The following CENPO variants were observed in gnomAD, a reference collection of about 807,000 sequenced individuals.
CENPO encodes the protein centromeric protein O.
CENPO carries 30 observed loss-of-function variants against 36.1 expected under a neutral mutation model. The observed-to-expected ratio is 0.83, with a 90% CI of 0.62 to 1.13. The LOEUF is 1.13. CENPO is among the 50% of genes most tolerant of loss of function. The probability of loss-of-function intolerance (pLI) is 0.00; values close to 1 mark genes in which losing one functional copy is unlikely to be tolerated. For missense variants in CENPO, 349 were observed against 357.8 expected (o/e 0.98, Z 0.20); for synonymous variants, 171 against 142.3 (o/e 1.20, Z -1.44).
rs889510507 is a variant in CENPO, at chr2:24,812,099, C to T, written c.217-2277C>T. 2.0e-5 allele frequency among the ~76,000 whole-genome samples: 3 copies of T among 152,186 alleles called. 1 individual carries two copies. Among genetic ancestry groups the T allele is most frequent in the South Asian group, 4.1e-4 (2 of 4,820 alleles). On this transcript the variant is annotated intron_variant, in intron 3 of 7. Coordinates refer to ENST00000380834, the MANE Select transcript of CENPO (RefSeq NM_001322101.2). ...CTCCTTTTGGTACTTCTTTTGGTAT[C>T]GCTGGCAGTAAAATCTCCATATTTG...
rs1054577460 is a variant in CENPO, at chr2:24,820,199, G to A, written c.*881G>A. On this transcript the variant is annotated 3_prime_UTR_variant, in exon 8 of 8. Transcript: ENST00000380834. The stretch of plus-strand genomic sequence containing the variant: ...GTGGGGGCTTTGGGTGGTTGGAGCC[G>A]AGCACTGATCCATGGGTCCCAAGCA... 9.8e-5 allele frequency: 125 copies of A among 1,279,698 alleles called. No homozygotes were observed. In the African/African-American group the frequency reaches 1.4e-3, roughly 14 times the overall value. The allele number at this position is 1,279,698 out of a possible 1,614,324, so 79.3% of individuals were successfully genotyped here.
intron 3 of CENPO, among the ~76,000 whole-genome samples, chr2:24,805,113 C>G (rs755879132): frequency 6.6e-6 from 1 of 152,148 alleles, no homozygotes. Flanking sequence ...TCCAGTTGAT[C>G]GAATCGGCTA....
rs986998211 is a variant in CENPO at position 24,820,292 on chromosome 2, G to A, written c.*974G>A. 83 of 1,281,790 alleles carry A rather than the reference G, an allele frequency of 6.5e-5. No individual in the cohort carries two copies. The East Asian group carries it at 2.4e-3, about 37-fold the overall frequency. The allele number at this position is 1,281,790 out of a possible 1,614,324, so 79.4% of individuals were successfully genotyped here. A position where few individuals can be genotyped will look rare whatever the true frequency, so the allele number is the denominator to read the frequency against. ...CCCGTGGCGAGCAGCGGGTGGGAAG[G>A]AGAACCCTGGAGTGACTGGCTGGGG... On this transcript the variant is annotated 3_prime_UTR_variant, in exon 8 of 8. Coordinates refer to ENST00000380834, the MANE Select transcript of CENPO (RefSeq NM_001322101.2).
rs763022859 is a variant in CENPO, at chr2:24,820,018, AG to A, written c.*702del. On this transcript the variant is annotated 3_prime_UTR_variant, in exon 8 of 8. Transcript: ENST00000380834. ...AGCTTATCCCGCCCCTTCAAGAAGA[AG>A]GTCAGCAGCTCCCCCTTCCCCTTCA... The A allele has an allele frequency of 1.2e-6, 2 of 1,612,214 alleles. No homozygotes were observed. Among genetic ancestry groups the A allele is most frequent in the Non-Finnish European group, 8.5e-7 (1 of 1,179,202 alleles).
chr2:24,798,794 G>A (rs1666029345), intron 2 of CENPO, among the ~76,000 whole-genome samples: 1 of 151,634 alleles, frequency 6.6e-6, no homozygotes, highest in African/African-American at 2.4e-5. Context: ...GGTTTTATTA[G>A]CCATAAAAAC....
chr2:24,793,853 A>G lies in CENPO; in HGVS notation c.-67A>G. On this transcript the variant is annotated splice_region_variant and 5_prime_UTR_variant, in exon 2 of 8. Transcript: ENST00000380834. ...CTGTTGCCATTTTTCTTTTATTAGC[A>G]AGGACATTGGAGTCCCTATCACCGG... The G allele has an allele frequency of 6.2e-7, 1 of 1,611,950 alleles. No individual in the cohort carries two copies. Among genetic ancestry groups the G allele is most frequent in the East Asian group, 2.2e-5 (1 of 44,872 alleles).
intron 3 of CENPO, among the ~76,000 whole-genome samples, chr2:24,811,164 T>G (rs1306193632): frequency 6.6e-6 from 1 of 151,926 alleles, no homozygotes; most frequent in Non-Finnish European, 1.5e-5. Flanking sequence ...AGGCTGGTCT[T>G]GAACTCCTGG....
intron 3 of CENPO, among the ~76,000 whole-genome samples, chr2:24,801,619 C>G (rs1350388310): frequency 2.6e-5 from 4 of 152,148 alleles, no homozygotes; most frequent in African/African-American, 9.7e-5. Context: ...TCAGGTTTGT[C>G]AAAGATCAGA....
intron 4 of CENPO, 150 bp downstream of exon 4, chr2:24,814,643 C>G: frequency 4.9e-6 from 3 of 607,388 alleles, no homozygotes; most frequent in Admixed American, 2.7e-5. Context: ...CACACACAGA[C>G]ACACACACAG....
chr2:24,796,866 A>G (rs1479721809), intron 2 of CENPO, among the ~76,000 whole-genome samples: 1 of 151,784 alleles, frequency 6.6e-6, no homozygotes, highest in Non-Finnish European at 1.5e-5. Flanking sequence ...GGGTGGGGGG[A>G]TCAGGTCAGT....
In CENPO at chr2:24,821,548, G is replaced by A. The variant is rs72792178; in HGVS notation, c.*2230G>A. On this transcript the variant is annotated 3_prime_UTR_variant, in exon 8 of 8. Transcript: ENST00000380834. ...GCAGCATGAAGTTATTGAAGGACTG[G>A]TTGTTGATGTTGGTGAGCGTATCCT... 13,021 of 1,614,182 alleles carry A rather than the reference G, an allele frequency of 8.1e-3. 72 individuals are homozygous for A. The highest frequency in any genetic ancestry group is 9.6e-3 in the Non-Finnish European group (11,358 of 1,180,028).
At position 24,820,823 on chromosome 2, in the gene CENPO, A is replaced by C. The variant is rs1572763945; in HGVS notation, c.*1505A>C. Reference sequence around the variant, plus strand: ...GTGGTTTCCGGGCTCCGATGACCCCAGCCAGAACCCCGCCTTTGTTCATGC... The same window carrying C: ...GTGGTTTCCGGGCTCCGATGACCCCCGCCAGAACCCCGCCTTTGTTCATGC... On this transcript the variant is annotated 3_prime_UTR_variant, in exon 8 of 8. Transcript: ENST00000380834. 2.5e-6 allele frequency: 4 copies of C among 1,614,098 alleles called. No homozygotes were observed. The East Asian group carries it at 8.9e-5, about 36-fold the overall frequency.
intron 3 of CENPO, among the ~76,000 whole-genome samples, chr2:24,803,219 TTTC>T (rs1487335840): frequency 6.6e-5 from 10 of 151,050 alleles, no homozygotes; most frequent in African/African-American, 1.9e-4. Context: ...TCTTCTCTCT[TTTC>T]TTCTTTATTA....
At chr2:24,793,627 C>T (rs1426120896) in intron 1 of CENPO, 126 bp downstream of exon 1, 8 of 1,411,756 alleles carry the variant, frequency 5.7e-6, no homozygotes, top group East Asian at 5.0e-5. Context: ...CCAGAGTAGC[C>T]GTGGCCTCGG....
At chr2:24,819,228 T>G (rs1246051763) in intron 7 of CENPO, 126 bp from the exon 8 acceptor site, 3 of 152,542 alleles carry the variant, frequency 2.0e-5, no homozygotes, top group Non-Finnish European at 4.4e-5. Flanking sequence ...ACCTGTAAAT[T>G]CTCTTAAAGC....
At chr2:24,799,258 A>G (rs1016807775) in intron 2 of CENPO, among the ~76,000 whole-genome samples, 3 of 152,238 alleles carry the variant, frequency 2.0e-5, no homozygotes, top group African/African-American at 7.2e-5. Context: ...TTGGCCCCCC[A>G]GAGTGCTAAG....
At position 24,820,711 on chromosome 2, in the gene CENPO, C is replaced by G; in HGVS notation, c.*1393C>G. On this transcript the variant is annotated 3_prime_UTR_variant, in exon 8 of 8. Transcript: ENST00000380834. The stretch of plus-strand genomic sequence containing the variant: ...CGAGTCTGAGCACGTGCCAGCTGTG[C>G]CACTGGACATACCTGAATGTTGCCC... 1 of 1,613,852 alleles carries G rather than the reference C, an allele frequency of 6.2e-7. No individual in the cohort carries two copies. The highest frequency in any genetic ancestry group is 2.2e-5 in the East Asian group (1 of 44,870).
chr2:24,817,602 A>G (rs1667013203), intron 6 of CENPO, 68 bp from the exon 7 acceptor site: 9 of 1,597,238 alleles, frequency 5.6e-6, no homozygotes, highest in East Asian at 2.2e-5. Context: ...ATGAGATTGA[A>G]TATCAGTGAT....
rs1202064287 is a variant in CENPO, at chr2:24,820,482, C to T, written c.*1164C>T. 11 of 1,394,858 alleles carry T rather than the reference C, an allele frequency of 7.9e-6. No individual in the cohort carries two copies. In the South Asian group the frequency reaches 1.1e-4, roughly 14 times the overall value. The allele number at this position is 1,394,858 out of a possible 1,614,324, so 86.4% of individuals were successfully genotyped here. A position where few individuals can be genotyped will look rare whatever the true frequency, so the allele number is the denominator to read the frequency against. ...ACAGATCACAAGGTATTAGAAGGTT[C>T]ATACCCAAAGGTAGGCCATATGCAT... is the stretch of plus-strand genomic sequence containing the variant. On this transcript the variant is annotated 3_prime_UTR_variant, in exon 8 of 8. Transcript: ENST00000380834.
Sources: allele counts gnomAD v4.1 joint callset (sites outside exome capture counted in the v4.1 genomes callset), GRCh38; gene constraint gnomAD v4.1.1; transcripts MANE v1.5; gene names NCBI Gene and HGNC (gene_info 2026-07-23, HGNC 2026-07-21).